The following MYO18B variants were observed in gnomAD, a reference collection of about 807,000 sequenced individuals.
MYO18B encodes myosin XVIIIB, also known as unconventional myosin-XVIIIb.
A neutral mutation model predicts 273.0 loss-of-function variants in MYO18B; 204 were observed. The observed-to-expected ratio is 0.75, with a 90% confidence interval of 0.67 to 0.84. MYO18B has a LOEUF of 0.84. MYO18B is among the 40% of genes least tolerant of loss of function. The pLI is 0.00. For synonymous variants in MYO18B, 1,330 were observed against 1,305.7 expected (o/e 1.02, Z -0.40); for missense variants, 3,212 against 3,287.6 (o/e 0.98, Z 0.56).
rs2088001108 is a variant in MYO18B at position 25,798,005 on chromosome 22, T to C, written c.2429T>C (p.Met810Thr). The C allele has an allele frequency of 3.1e-6, 5 of 1,613,830 alleles. No individual in the cohort carries two copies. Among genetic ancestry groups the C allele is most frequent in the Admixed American group, 1.7e-5 (1 of 59,994 alleles). The change falls in exon 12 of 44, where the codon ATG becomes ACG. Residue 810 changes from methionine (M) to threonine (T), a missense_variant. By Grantham distance (81) the Met-to-Thr change is moderately conservative. Transcript: ENST00000335473. ...GCCTTTGCCCAGCTCCAGGGTGCCA[T>C]GGAGATGCTCGGCATCTCAGAGAGC... Reference protein sequence around the residue: ...AAAFAQLQGAMEMLGISESEQ... With the variant: ...AAAFAQLQGATEMLGISESEQ...
Position 25,799,156 on chromosome 22 carries a change from T to TGTGTGTGTGC in MYO18B, c.2521+1064_2521+1065insTGTGCGTGTG, listed in dbSNP as rs1331007938. Among the ~76,000 whole-genome samples, 4 of 151,906 alleles carry TGTGTGTGTGC rather than the reference T, an allele frequency of 2.6e-5. No homozygotes were observed. In the East Asian group the frequency reaches 7.7e-4, roughly 29 times the overall value. On this transcript the variant is annotated intron_variant, in intron 12 of 43. Coordinates refer to ENST00000335473, the MANE Select transcript of MYO18B (RefSeq NM_032608.7). ...TTGTGTGTGTGTGTGTGTGTGTGTG[T>TGTGTGTGTGC]GTGTGCTTGGATAGGTGCAGTAGCC...
intron 36 of MYO18B, among the ~76,000 whole-genome samples, chr22:25,948,678 TGTG>T (rs2092757285): frequency 6.6e-6 from 1 of 151,928 alleles, no homozygotes; most frequent in Admixed American, 6.6e-5. Flanking sequence ...CTAAGTATAT[TGTG>T]GTGATCAGAA....
intron 38 of MYO18B, among the ~76,000 whole-genome samples, chr22:25,954,462 C>T (rs1601676767): frequency 6.6e-6 from 1 of 152,038 alleles, no homozygotes; most frequent in African/African-American, 2.4e-5. Flanking sequence ...AATTAATAAT[C>T]CCCCATCCCT....
chr22:25,780,086 T>A lies in MYO18B; in HGVS notation c.2099T>A (p.Leu700His). ...AAGATCCGAGCCACCTTCACTGTCC[T>A]CCGGGCCTTCGGCTCTGTGTCCATG... ...VEKIRATFTV[L>H]RAFGSVSMAH... is the part of the protein sequence containing the mutation. Residue 700 changes from leucine to histidine, a missense_variant, in exon 9 of 44, where the codon CTC becomes CAC. Leu to His is a moderately conservative substitution (Grantham distance 99, BLOSUM62 -3). Transcript: ENST00000335473. 6.3e-7 allele frequency: 1 copy of A among 1,597,214 alleles called. No homozygotes were observed.
chr22:25,921,509 A>C (rs2092341873), intron 34 of MYO18B, 100 bp downstream of exon 34: 4 of 1,402,624 alleles, frequency 2.9e-6, no homozygotes, highest in Non-Finnish European at 3.9e-6. Flanking sequence ...CCATGGTGCC[A>C]ACCTCCAACT....
chr22:26,048,198 T>A, the MYO18B span, among the ~76,000 whole-genome samples: 1 of 152,212 alleles, frequency 6.6e-6, no homozygotes, highest in Non-Finnish European at 1.5e-5. Context: ...CTGTTTCCGC[T>A]ACTACTCAGT....
Position 25,898,425 on chromosome 22 carries a change from A to G in MYO18B, c.4787A>G (p.Gln1596Arg), listed in dbSNP as rs2091858706. The change falls in exon 29 of 44, where the codon CAA (glutamine) becomes CGA (arginine). Residue 1596 changes from glutamine (Q) to arginine (R), a missense_variant. Transcript: ENST00000335473. The part of the protein sequence containing the change: ...EDTCVLLENQ[Q>R]SRNHELEKKQ... ...ACCTGCGTCCTGCTAGAGAACCAAC[A>G]AAGTCGAAACCATGAGCTGGAGAAG... 6.2e-7 allele frequency: 1 copy of G among 1,613,750 alleles called. No individual in the cohort carries two copies. Among genetic ancestry groups the G allele is most frequent in the Non-Finnish European group, 8.5e-7 (1 of 1,179,854 alleles).
the MYO18B span, among the ~76,000 whole-genome samples, chr22:26,050,594 C>T: frequency 6.6e-6 from 1 of 152,072 alleles, no homozygotes. Context: ...TGAATTTTCT[C>T]GACAGGGCAC....
At chr22:25,988,095 G>A (rs1175783915) in intron 39 of MYO18B, among the ~76,000 whole-genome samples, 2 of 151,880 alleles carry the variant, frequency 1.3e-5, no homozygotes, top group African/African-American at 4.8e-5. Flanking sequence ...AGATGCTGTC[G>A]TTGCCTCCCG....
chr22:25,760,584 A>G (rs2086280763), intron 1 of MYO18B, among the ~76,000 whole-genome samples: 1 of 152,114 alleles, frequency 6.6e-6, no homozygotes, highest in Non-Finnish European at 1.5e-5. Flanking sequence ...CCCAACCAAA[A>G]GCGAATGGCT....
At chr22:25,990,712 A>AAAAAAAAAG (rs1569270729) in intron 39 of MYO18B, among the ~76,000 whole-genome samples, 1,189 of 42,660 alleles carry the variant, frequency 0.028, 26 homozygotes, top group East Asian at 0.065. Flanking sequence ...AAAAAAAAAA[A>AAAAAAAAAG]AAAAAAAAGA....
At chr22:25,991,358 T>C (rs2093268657) in intron 39 of MYO18B, among the ~76,000 whole-genome samples, 1 of 152,242 alleles carries the variant, frequency 6.6e-6, no homozygotes, top group Admixed American at 6.5e-5. Context: ...GGGATTGTCC[T>C]GTGCCTTGTA....
At chr22:25,972,632 G>T (rs2146743000) in intron 39 of MYO18B, among the ~76,000 whole-genome samples, 1 of 152,310 alleles carries the variant, frequency 6.6e-6, no homozygotes, top group Middle Eastern at 3.4e-3. Context: ...CTGAATTGCA[G>T]GTGAGGAGAC....
chr22:25,763,067 G>C lies in MYO18B; in HGVS notation c.40-164G>C, dbSNP rs751777098. Reference sequence around the variant, plus strand: ...CATGCGCTGTCTCAGGGACCCCCCTGAGTCGTGCTGGGCCTCACCTGCTTG... The same window carrying C: ...CATGCGCTGTCTCAGGGACCCCCCTCAGTCGTGCTGGGCCTCACCTGCTTG... On this transcript the variant is annotated intron_variant, in intron 2 of 43. Transcript: ENST00000335473. 3 of 804,596 alleles carry C rather than the reference G, an allele frequency of 3.7e-6. No individual in the cohort carries two copies. In the South Asian group the frequency reaches 4.0e-5, roughly 11 times the overall value. 49.8% of individuals were successfully genotyped at this position (804,596 alleles called of 1,614,324 possible). A position where few individuals can be genotyped will look rare whatever the true frequency, so the allele number is the denominator to read the frequency against.
At chr22:25,778,467 G>A (rs1031837443) in intron 8 of MYO18B, among the ~76,000 whole-genome samples, 3 of 151,830 alleles carry the variant, frequency 2.0e-5, no homozygotes, top group Non-Finnish European at 4.4e-5. Context: ...CCTATTCTAA[G>A]GATACTAACT....
intron 27 of MYO18B, chr22:25,892,198 G>A (rs2091679521): frequency 6.6e-6 from 1 of 152,180 alleles, no homozygotes; most frequent in African/African-American, 2.4e-5. Flanking sequence ...GTATAGAATA[G>A]AGTGATGAAT....
At chr22:25,779,988 C>T in intron 8 of MYO18B, 68 bp from the exon 9 acceptor site, 2 of 1,486,940 alleles carry the variant, frequency 1.3e-6, no homozygotes, top group South Asian at 1.3e-5. Context: ...AAAAGGTGGA[C>T]CTGTGTGAGG....
rs952190724 is a variant in MYO18B at position 25,883,979 on chromosome 22, G to C, written c.4314+5931G>C. Among the ~76,000 whole-genome samples, 2 of 152,050 alleles carry C rather than the reference G, an allele frequency of 1.3e-5. No homozygotes were observed. Among genetic ancestry groups the C allele is most frequent in the Admixed American group, 6.5e-5 (1 of 15,280 alleles). On this transcript the variant is annotated intron_variant, in intron 25 of 43. Transcript: ENST00000335473. The surrounding 1 kb of genome is among the most constrained non-coding windows in gnomAD (Gnocchi z 7.6). Reference sequence around the variant, plus strand: ...TTGTTGGAAGCACCTGTAAGGTTTTGGGACCACATGGGATATAAAATGAGG... The same window carrying C: ...TTGTTGGAAGCACCTGTAAGGTTTTCGGACCACATGGGATATAAAATGAGG...
At chr22:25,872,249 T>C (rs879779677) in intron 22 of MYO18B, among the ~76,000 whole-genome samples, 27 of 152,014 alleles carry the variant, frequency 1.8e-4, no homozygotes, top group Admixed American at 1.8e-3. Context: ...TTACGAAAAA[T>C]AGGGTTTAGG....
Sources: gnomAD v4.1 joint callset for allele counts (sites outside exome capture counted in the v4.1 genomes callset) on GRCh38, gnomAD v4.1.1 for gene constraint, Gnocchi (gnomAD v3.1) non-coding constraint, MANE v1.5 for transcripts, NCBI Gene and HGNC (gene_info 2026-07-23, HGNC 2026-07-21) for gene names.